TPTE: variants seen among roughly 807,000 people sequenced by gnomAD.
TPTE encodes the protein putative tyrosine-protein phosphatase TPTE.
Under a neutral mutation model 84.1 loss-of-function variants are expected in TPTE, and 59 were observed. The ratio of observed to expected loss-of-function variants is 0.70; its 90% CI spans 0.57 to 0.87. The LOEUF is 0.87. TPTE is among the 40% of genes least tolerant of loss of function. The pLI is 0.00. For synonymous variants in TPTE, 130 were observed against 223.5 expected, an observed-to-expected ratio of 0.58 and a Z score of 3.73; for missense variants, 382 against 659.6, an observed-to-expected ratio of 0.58 and a Z score of 4.61.
intron 3 of TPTE, among the ~76,000 whole-genome samples, chr21:10,537,764 A>C (rs375169101): frequency 1.2e-4 from 19 of 152,418 alleles, no homozygotes; most frequent in African/African-American, 4.6e-4. Flanking sequence ...ATTATATACC[A>C]TTTATATATA....
intron 3 of TPTE, among the ~76,000 whole-genome samples, chr21:10,537,993 C>G (rs1397995781): frequency 1.2e-3 from 183 of 152,346 alleles, no homozygotes; most frequent in African/African-American, 4.3e-3. Flanking sequence ...AATGATTTTT[C>G]TTACTAGTCT....
rs201772123 is a variant in TPTE at position 10,532,149 on chromosome 21, T to C, written c.-44+4737T>C. Among the ~76,000 whole-genome samples, 3 of 152,422 alleles carry C rather than the reference T, an allele frequency of 2.0e-5. No homozygotes were observed. In the East Asian group the frequency reaches 5.8e-4, roughly 29 times the overall value. On this transcript the variant is annotated intron_variant, in intron 3 of 23. Transcript: ENST00000618007. ...AAAAATACCTATGTGGGCCCTGTGG[T>C]GTTTGGGAGAGGGAAGGGCTTTAAA...
intron 10 of TPTE, among the ~76,000 whole-genome samples, chr21:10,566,977 C>CAAAAAAAAA (rs141155041): frequency 7.9e-6 from 1 of 126,114 alleles, no homozygotes. Context: ...AACTCCATCT[C>CAAAAAAAAA]AAAAAAAAAA....
intron 1 of TPTE, among the ~76,000 whole-genome samples, chr21:10,522,841 T>TG (rs1283027941): frequency 2.0e-5 from 3 of 152,310 alleles, no homozygotes; most frequent in Non-Finnish European, 4.4e-5. Flanking sequence ...GCATATTCAT[T>TG]GCCTTAAACA....
At chr21:10,589,009 T>G (rs1481046106) in intron 17 of TPTE, among the ~76,000 whole-genome samples, 1 of 152,312 alleles carries the variant, frequency 6.6e-6, no homozygotes, top group Non-Finnish European at 1.5e-5. Context: ...AGTTTTCATT[T>G]TGGTAGGAAG....
chr21:10,537,692 A>G (rs1352349537), intron 3 of TPTE, among the ~76,000 whole-genome samples: 1 of 152,096 alleles, frequency 6.6e-6, no homozygotes, highest in Non-Finnish European at 1.5e-5. Context: ...AAAAAAAAAA[A>G]GAAAAAAGAA....
intron 14 of TPTE, among the ~76,000 whole-genome samples, chr21:10,576,939 CA>C (rs552031998): frequency 3.2e-4 from 49 of 151,536 alleles, no homozygotes; most frequent in African/African-American, 1.0e-3. Flanking sequence ...ACAAATGAGC[CA>C]AAAAAGTCTC....
chr21:10,572,450 C>CAAAAAAA (rs58796102), intron 14 of TPTE, among the ~76,000 whole-genome samples: 4 of 131,984 alleles, frequency 3.0e-5, no homozygotes, highest in Admixed American at 1.4e-4. Flanking sequence ...AGACTGTATC[C>CAAAAAAA]AAAAAAAAAA....
At chr21:10,589,324 A>G (rs2075422019) in intron 17 of TPTE, among the ~76,000 whole-genome samples, 2 of 152,280 alleles carry the variant, frequency 1.3e-5, no homozygotes, top group South Asian at 2.1e-4. Flanking sequence ...GGTTTGACCT[A>G]TGAGCCAGTA....
intron 3 of TPTE, among the ~76,000 whole-genome samples, chr21:10,536,627 TGAA>T (rs1383206906): frequency 6.6e-6 from 1 of 152,420 alleles, no homozygotes; most frequent in African/African-American, 2.4e-5. Flanking sequence ...GAGAGAAAGA[TGAA>T]GATTATGTGC....
intron 19 of TPTE, among the ~76,000 whole-genome samples, chr21:10,592,805 G>GGTTGTGTGTGTGTGTGTGT (rs1555820854): frequency 1.7e-4 from 26 of 148,942 alleles, no homozygotes; most frequent in African/African-American, 5.9e-4. Context: ...GATGACTCCT[G>GGTTGTGTGTGTGTGTGTGT]GTGTGTGTGT....
intron 5 of TPTE, 107 bp downstream of exon 5, chr21:10,541,272 G>C (rs1376468227): frequency 4.0e-5 from 59 of 1,484,096 alleles, no homozygotes; most frequent in Admixed American, 1.5e-4. Context: ...GGGTGTTCGA[G>C]ACCAGGCTGG....
chr21:10,589,451 C>A (rs1174798191), intron 17 of TPTE, among the ~76,000 whole-genome samples: 1 of 151,366 alleles, frequency 6.6e-6, no homozygotes, highest in Non-Finnish European at 1.5e-5. Context: ...CCTGAGTACA[C>A]ATTAATCTGA....
intron 10 of TPTE, among the ~76,000 whole-genome samples, chr21:10,566,232 T>C (rs1009466189): frequency 2.6e-5 from 4 of 152,310 alleles, no homozygotes; most frequent in African/African-American, 9.6e-5. Context: ...ATACAGATGG[T>C]AAACAGGCAT....
At chr21:10,557,491 A>C (rs2145664657) in intron 8 of TPTE, among the ~76,000 whole-genome samples, 1 of 152,306 alleles carries the variant, frequency 6.6e-6, no homozygotes, top group East Asian at 1.9e-4. Context: ...GTGAGTTCAG[A>C]TTTATGACAT....
chr21:10,582,616 TCATGTCTTTG>T, intron 17 of TPTE, among the ~76,000 whole-genome samples: 1 of 152,310 alleles, frequency 6.6e-6, no homozygotes, highest in African/African-American at 2.4e-5. Flanking sequence ...TACTTTTTTA[TCATGTCTTTG>T]CACATCTTTT....
chr21:10,528,342 G>A (rs1173588786), intron 3 of TPTE, among the ~76,000 whole-genome samples: 1 of 152,308 alleles, frequency 6.6e-6, no homozygotes, highest in Non-Finnish European at 1.5e-5. Flanking sequence ...ATTGGAGATG[G>A]GAGGAATTCA....
intron 7 of TPTE, among the ~76,000 whole-genome samples, chr21:10,548,058 C>T (rs1163407260): frequency 6.6e-6 from 1 of 152,308 alleles, no homozygotes; most frequent in Non-Finnish European, 1.5e-5. Context: ...CAGTAGCCCT[C>T]TGCTTTTAAT....
intron 14 of TPTE, among the ~76,000 whole-genome samples, chr21:10,575,456 G>A (rs2145723553): frequency 6.6e-6 from 1 of 152,426 alleles, no homozygotes; most frequent in East Asian, 1.9e-4. Flanking sequence ...GAGAATACAG[G>A]TGGTCTGGAG....
Sources: allele counts gnomAD v4.1 joint callset (sites outside exome capture counted in the v4.1 genomes callset), GRCh38; gene constraint gnomAD v4.1.1; transcripts MANE v1.5; gene names NCBI Gene and HGNC (gene_info 2026-07-23, HGNC 2026-07-21).